TLN2: variants seen among roughly 807,000 people sequenced by gnomAD.
TLN2 encodes the protein talin 2, also known as talin-2.
TLN2 carries 118 observed loss-of-function variants against 294.7 expected under a neutral mutation model. The ratio of observed to expected loss-of-function variants is 0.40; its 90% CI spans 0.34 to 0.47. TLN2 has a LOEUF of 0.47. Among genes scored for constraint, TLN2 ranks in the 20% least tolerant of loss-of-function variants. The probability of loss-of-function intolerance (pLI) is 0.84; values close to 1 mark genes in which losing one functional copy is unlikely to be tolerated. For missense variants in TLN2, 3,083 were observed against 3,282.2 expected, an observed-to-expected ratio of 0.94 and a Z score of 1.48; for synonymous variants, 1,431 against 1,304.5, an observed-to-expected ratio of 1.10 and a Z score of -2.09.
At chr15:62,703,770 A>T (rs1303320499) in intron 19 of TLN2, among the ~76,000 whole-genome samples, 3 of 152,060 alleles carry the variant, frequency 2.0e-5, no homozygotes, top group Non-Finnish European at 4.4e-5. Context: ...AATACCAGGG[A>T]CCTGTGGTGC....
chr15:62,735,157 G>A (rs1434154726), intron 28 of TLN2, among the ~76,000 whole-genome samples: 5 of 152,234 alleles, frequency 3.3e-5, no homozygotes, highest in Non-Finnish European at 5.9e-5. Flanking sequence ...CTCTGGAAGT[G>A]TTTGTGGGCA....
At chr15:62,528,917 G>T (rs1003071408) in intron 1 of TLN2, among the ~76,000 whole-genome samples, 1 of 152,054 alleles carries the variant, frequency 6.6e-6, no homozygotes, top group Non-Finnish European at 1.5e-5. Context: ...ATTTGGTTTT[G>T]TTGTCTTGTT....
intron 51 of TLN2, among the ~76,000 whole-genome samples, chr15:62,808,291 A>G (rs1206088203): frequency 6.6e-6 from 1 of 152,162 alleles, no homozygotes; most frequent in East Asian, 1.9e-4. Flanking sequence ...TTATAAAGCT[A>G]TTTCTGTGTT....
chr15:62,800,358 T>G lies in TLN2; in HGVS notation c.6235-10T>G, dbSNP rs775323164. On this transcript the variant is annotated splice_polypyrimidine_tract_variant and intron_variant, in intron 48 of 58. Coordinates refer to ENST00000636159, the MANE Select transcript of TLN2 (RefSeq NM_015059.3). ...ACGCCTGCTCACCTGAGTTCTGTGC[T>G]CTCTTTCAGGTGGTTTTGATCAATG... 1 of 1,612,892 alleles carries G rather than the reference T, an allele frequency of 6.2e-7. No individual in the cohort carries two copies. The highest frequency in any genetic ancestry group is 8.5e-7 in the Non-Finnish European group (1 of 1,179,720).
intron 1 of TLN2, among the ~76,000 whole-genome samples, chr15:62,518,096 T>A (rs1367187408): frequency 3.3e-5 from 5 of 151,876 alleles, no homozygotes; most frequent in Non-Finnish European, 5.9e-5. Flanking sequence ...TAGAGTACAG[T>A]GGCATGATTT....
Position 62,517,935 on chromosome 15 carries a change from T to C in TLN2, c.-237-71752T>C, listed in dbSNP as rs149030534. On this transcript the variant is annotated intron_variant, in intron 1 of 58. Transcript: ENST00000636159. Reference sequence around the variant, plus strand: ...AGCCTGAATTTTCTCATAAGAAAAATGGGGTTAATGATTTTACTTAGCCAT... The same window carrying C: ...AGCCTGAATTTTCTCATAAGAAAAACGGGGTTAATGATTTTACTTAGCCAT... Among the ~76,000 whole-genome samples the C allele has an allele frequency of 4.4e-3, 667 of 152,192 alleles. 6 individuals are homozygous for C. Among genetic ancestry groups the C allele is most frequent in the African/African-American group, 0.015 (640 of 41,524 alleles).
chr15:62,695,164 C>G (rs982665161), intron 14 of TLN2, among the ~76,000 whole-genome samples: 6 of 152,052 alleles, frequency 3.9e-5, no homozygotes, highest in Admixed American at 2.6e-4. Context: ...TAATAAATGG[C>G]TCTTTTTGGG....
At position 62,692,942 on chromosome 15, in the gene TLN2, G is replaced by A. The variant is rs1398715089; in HGVS notation, c.1215+1G>A. 1 of 1,606,850 alleles carries A rather than the reference G, an allele frequency of 6.2e-7. No homozygotes were observed. Among genetic ancestry groups the A allele is most frequent in the Non-Finnish European group, 8.5e-7 (1 of 1,177,378 alleles). The stretch of plus-strand genomic sequence containing the variant: ...CTACATTGACATCATCCTGAAAAAG[G>A]TATTTTGTATTGATGCAAATTGGAA... On this transcript the variant is annotated splice_donor_variant, in intron 13 of 58. Coordinates refer to ENST00000636159, the MANE Select transcript of TLN2 (RefSeq NM_015059.3). LOFTEE classifies it high-confidence loss of function.
intron 3 of TLN2, among the ~76,000 whole-genome samples, chr15:62,634,504 A>G (rs1555452332): frequency 6.6e-6 from 1 of 152,254 alleles, no homozygotes; most frequent in Non-Finnish European, 1.5e-5. Flanking sequence ...ACTGTGCTGT[A>G]GAGAATTCAT....
intron 1 of TLN2, among the ~76,000 whole-genome samples, chr15:62,511,657 G>T (rs2039946892): frequency 6.6e-6 from 1 of 151,936 alleles, no homozygotes; most frequent in Non-Finnish European, 1.5e-5. Context: ...GTTTCTGGGA[G>T]TAAGCGGTAT....
chr15:62,439,951 T>C (rs1566972508), intron 1 of TLN2, among the ~76,000 whole-genome samples: 1 of 152,154 alleles, frequency 6.6e-6, no homozygotes, highest in Non-Finnish European at 1.5e-5. Context: ...CTCCCTGTGC[T>C]GAAACAGGGG....
intron 52 of TLN2, among the ~76,000 whole-genome samples, chr15:62,812,169 A>G (rs2066740825): frequency 6.6e-6 from 1 of 151,952 alleles, no homozygotes; most frequent in African/African-American, 2.4e-5. Context: ...CCTATGCTCC[A>G]TTTCTCCTTA....
intron 1 of TLN2, among the ~76,000 whole-genome samples, chr15:62,554,081 C>G (rs946729210): frequency 2.0e-5 from 3 of 151,766 alleles, no homozygotes; most frequent in African/African-American, 7.3e-5. Context: ...TGACTAGATG[C>G]AGTTGGGTAA....
chr15:62,644,405 C>T lies in TLN2; in HGVS notation c.-36-2870C>T, dbSNP rs187957173. On this transcript the variant is annotated intron_variant, in intron 3 of 58. Transcript: ENST00000636159. Reference sequence around the variant, plus strand: ...TTCCCAGGGCTGAGTCATTACTGCTCTCCCTCACTCCCTAGGTGGTCTTTC... The same window carrying T: ...TTCCCAGGGCTGAGTCATTACTGCTTTCCCTCACTCCCTAGGTGGTCTTTC... 7.4e-4 allele frequency: 323 copies of T among 434,172 alleles called. 2 individuals carry two copies. Among genetic ancestry groups the T allele is most frequent in the African/African-American group, 5.9e-3 (293 of 49,442 alleles). The allele number at this position is 434,172 out of a possible 1,614,324, so 26.9% of individuals were successfully genotyped here.
intron 51 of TLN2, 89 bp downstream of exon 51, chr15:62,805,874 A>C: frequency 7.0e-7 from 1 of 1,424,326 alleles, no homozygotes. Flanking sequence ...GGAGGGGCTC[A>C]GAACCTTAAA....
chr15:62,633,765 C>A (rs1437724806), intron 3 of TLN2, among the ~76,000 whole-genome samples: 1 of 152,150 alleles, frequency 6.6e-6, no homozygotes, highest in Admixed American at 6.6e-5. Context: ...GATTAATTTG[C>A]CGGGGCTGTC....
chr15:62,740,129 T>A (rs2061245417), intron 31 of TLN2, among the ~76,000 whole-genome samples: 1 of 150,728 alleles, frequency 6.6e-6, no homozygotes, highest in Non-Finnish European at 1.5e-5. Flanking sequence ...CTACAAAGAA[T>A]TGTTTCTCAG....
intron 1 of TLN2, among the ~76,000 whole-genome samples, chr15:62,452,422 G>C (rs908901772): frequency 1.3e-5 from 2 of 152,196 alleles, no homozygotes; most frequent in African/African-American, 4.8e-5. Context: ...GAAGGACGTC[G>C]ACAGTTTAAA....
chr15:62,669,775 G>A (rs745913989), intron 9 of TLN2, among the ~76,000 whole-genome samples: 77 of 152,310 alleles, frequency 5.1e-4, no homozygotes, highest in Non-Finnish European at 9.1e-4. Flanking sequence ...CTGCTGGCTG[G>A]CAGGCCTTGA....
Sources: gnomAD v4.1 joint callset for allele counts (sites outside exome capture counted in the v4.1 genomes callset) on GRCh38, gnomAD v4.1.1 for gene constraint, MANE v1.5 for transcripts, NCBI Gene and HGNC (gene_info 2026-07-23, HGNC 2026-07-21) for gene names.